The following EYS variants were observed in gnomAD, a reference collection of about 807,000 sequenced individuals.
EYS encodes the protein protein eyes shut homolog.
In EYS, 250 loss-of-function variants were observed where a neutral mutation model predicts 282.1. The observed-to-expected ratio is 0.89, with a 90% CI of 0.80 to 0.98. The LOEUF (loss-of-function observed/expected upper bound fraction) is 0.98. Ranked by LOEUF, EYS falls within the 50% of genes least tolerant of loss-of-function variation. The pLI is 0.00. For missense variants in EYS, 4,016 were observed against 3,709.0 expected, an observed-to-expected ratio of 1.08 and a Z score of -2.15; for synonymous variants, 1,355 against 1,282.9, an observed-to-expected ratio of 1.06 and a Z score of -1.20.
chr6:64,118,588 T>C (rs1773468397), intron 31 of EYS, among the ~76,000 whole-genome samples: 1 of 152,022 alleles, frequency 6.6e-6, no homozygotes, highest in African/African-American at 2.4e-5. Context: ...TAAACTACTA[T>C]TAAAATAAGT....
At chr6:63,999,204 G>A (rs1210797811) in intron 33 of EYS, 21 bp from the exon 34 acceptor site, 5 of 1,494,094 alleles carry the variant, frequency 3.3e-6, no homozygotes, top group South Asian at 2.4e-5. Context: ...AACAGAAGAG[G>A]CCATTATGAT....
intron 22 of EYS, among the ~76,000 whole-genome samples, chr6:64,804,183 T>C (rs1306115874): frequency 1.3e-5 from 2 of 152,222 alleles, no homozygotes. Context: ...AATTTTGCTT[T>C]GAGACAGCCA....
At chr6:64,771,590 T>G (rs888089220) in intron 22 of EYS, among the ~76,000 whole-genome samples, 6 of 151,804 alleles carry the variant, frequency 4.0e-5, no homozygotes, top group African/African-American at 1.4e-4. Flanking sequence ...AGGGCTTCAT[T>G]GCAATTCATT....
intron 26 of EYS, among the ~76,000 whole-genome samples, chr6:64,508,681 T>A (rs557043930): frequency 4.0e-5 from 6 of 151,412 alleles, no homozygotes; most frequent in Admixed American, 3.3e-4. Context: ...CCTATGCTCT[T>A]AAAAATTATT....
chr6:64,039,259 G>T (rs949170299), intron 33 of EYS, among the ~76,000 whole-genome samples: 1 of 152,096 alleles, frequency 6.6e-6, no homozygotes, highest in African/African-American at 2.4e-5. Context: ...CTTTAGATAA[G>T]AATTACTTAG....
chr6:64,761,910 A>G (rs1773173486), intron 22 of EYS, among the ~76,000 whole-genome samples: 1 of 152,230 alleles, frequency 6.6e-6, no homozygotes, highest in Non-Finnish European at 1.5e-5. Context: ...TGGGGGAGAA[A>G]AGGAGAAATA....
At position 64,884,387 on chromosome 6, in the gene EYS, G is replaced by T. The variant is rs527309250; in HGVS notation, c.2992+2310C>A. ...GAATTAGAGAGGGATGTGTATTTTG[G>T]TTCCGGCTCTGTCACTACCAGATGT... On this transcript the variant is annotated intron_variant, in intron 19 of 42. Transcript: ENST00000503581. 4.6e-5 allele frequency among the ~76,000 whole-genome samples: 7 copies of T among 151,506 alleles called. No homozygotes were observed. In the East Asian group the frequency reaches 1.4e-3, roughly 29 times the overall value.
At chr6:64,577,134 G>A (rs1365370612) in intron 26 of EYS, among the ~76,000 whole-genome samples, 2 of 152,078 alleles carry the variant, frequency 1.3e-5, no homozygotes, top group African/African-American at 2.4e-5. Flanking sequence ...TTCTGAGGAA[G>A]CATGACCCTG....
chr6:63,971,157 A>T (rs1766552528), intron 35 of EYS, among the ~76,000 whole-genome samples: 1 of 152,220 alleles, frequency 6.6e-6, no homozygotes, highest in African/African-American at 2.4e-5. Context: ...GGCAATAGAT[A>T]GTCAAGCCCA....
intron 35 of EYS, among the ~76,000 whole-genome samples, chr6:63,950,258 G>A (rs1765537630): frequency 6.7e-6 from 1 of 149,642 alleles, no homozygotes; most frequent in Non-Finnish European, 1.5e-5. Flanking sequence ...CCTGCACACA[G>A]ATGTCCAGAT....
At chr6:64,839,354 AC>A (rs1167405962) in intron 19 of EYS, among the ~76,000 whole-genome samples, 1 of 152,070 alleles carries the variant, frequency 6.6e-6, no homozygotes, top group African/African-American at 2.4e-5. Context: ...TAACAAAAAT[AC>A]CCAAAATTTC....
intron 12 of EYS, among the ~76,000 whole-genome samples, chr6:65,060,247 A>G (rs1225725943): frequency 1.3e-5 from 2 of 150,256 alleles, no homozygotes; most frequent in Admixed American, 6.6e-5. Flanking sequence ...TTTTTTTCAA[A>G]TTTGACACTT....
At chr6:65,499,361 T>C (rs957129705) in intron 2 of EYS, among the ~76,000 whole-genome samples, 3 of 152,002 alleles carry the variant, frequency 2.0e-5, no homozygotes, top group Admixed American at 1.3e-4. Context: ...TAAAGATAGT[T>C]GAGTAGAGAT....
intron 35 of EYS, among the ~76,000 whole-genome samples, chr6:63,970,469 A>G (rs1175368053): frequency 1.3e-5 from 2 of 152,114 alleles, no homozygotes; most frequent in African/African-American, 4.8e-5. Context: ...CTCTGTCTCT[A>G]CTAAAAATAC....
intron 12 of EYS, among the ~76,000 whole-genome samples, chr6:65,285,549 T>C (rs1179127393): frequency 6.6e-6 from 1 of 152,042 alleles, no homozygotes; most frequent in Non-Finnish European, 1.5e-5. Context: ...AAAGCCATGC[T>C]ATCTTCTATT....
At chr6:64,669,014 C>T (rs961967210) in intron 22 of EYS, among the ~76,000 whole-genome samples, 1 of 152,072 alleles carries the variant, frequency 6.6e-6, no homozygotes, top group African/African-American at 2.4e-5. Flanking sequence ...CTGTACCTTC[C>T]AATATTTCTT....
intron 26 of EYS, among the ~76,000 whole-genome samples, chr6:64,448,717 T>C (rs1255788989): frequency 5.3e-5 from 8 of 152,044 alleles, no homozygotes; most frequent in African/African-American, 1.9e-4. Context: ...CTGTTCTGCA[T>C]CCTCCACTGC....
chr6:64,480,214 T>A (rs553557333), intron 26 of EYS, among the ~76,000 whole-genome samples: 10 of 151,966 alleles, frequency 6.6e-5, no homozygotes, highest in African/African-American at 2.2e-4. Context: ...ACATGGAAGC[T>A]GGAAATTTTA....
chr6:65,373,433 G>C (rs1421885201), intron 8 of EYS, among the ~76,000 whole-genome samples: 1 of 151,908 alleles, frequency 6.6e-6, no homozygotes, highest in Non-Finnish European at 1.5e-5. Context: ...GCTTGGGAAA[G>C]CCTCTGCTCC....
Sources: gnomAD v4.1 joint callset for allele counts (sites outside exome capture counted in the v4.1 genomes callset) on GRCh38, gnomAD v4.1.1 for gene constraint, MANE v1.5 for transcripts, NCBI Gene and HGNC (gene_info 2026-07-23, HGNC 2026-07-21) for gene names.